The following RMP64 variants were observed in gnomAD, a reference collection of about 807,000 sequenced individuals.
The protein encoded by RMP64 is nucleolus and neural progenitor protein.
At chr3:113,011,449 A>T in the RMP64 span, 10 of 1,505,046 alleles carry the variant, frequency 6.6e-6, no homozygotes, top group Admixed American at 6.8e-5. Flanking sequence ...CAGTAATTAC[A>T]ATTTGCAGAT....
chr3:113,019,246 C>G, the RMP64 span: 4 of 446,300 alleles, frequency 9.0e-6, no homozygotes, highest in Non-Finnish European at 1.6e-5. Flanking sequence ...TGTTCCCCGG[C>G]ACCAGCTGAG....
chr3:113,018,395 G>T, the RMP64 span, among the ~76,000 whole-genome samples: 17 of 152,264 alleles, frequency 1.1e-4, no homozygotes, highest in East Asian at 3.1e-3. Context: ...AAGAATTTTT[G>T]AATAGAGAAA....
At chr3:113,013,744 C>A in the RMP64 span, among the ~76,000 whole-genome samples, 1 of 152,074 alleles carries the variant, frequency 6.6e-6, no homozygotes, top group South Asian at 2.1e-4. Flanking sequence ...CTACCATGAC[C>A]CAGATTTCAA....
the RMP64 span, chr3:113,004,064 G>A: frequency 3.3e-5 from 5 of 152,238 alleles, no homozygotes; most frequent in African/African-American, 1.2e-4. Flanking sequence ...GAAGTTAATG[G>A]CCATTTCTAG....
the RMP64 span, chr3:113,008,333 A>G: frequency 2.5e-6 from 4 of 1,614,044 alleles, no homozygotes; most frequent in Middle Eastern, 1.7e-4. Flanking sequence ...GAATCTTTGC[A>G]CAAAACTTTT....
the RMP64 span, chr3:113,013,449 G>GC: frequency 1.4e-6 from 2 of 1,386,402 alleles, no homozygotes; most frequent in African/African-American, 3.5e-5. Context: ...TAAAAAAAAA[G>GC]GGTTTTTTTT....
chr3:113,011,535 T>A, the RMP64 span: 3 of 732,420 alleles, frequency 4.1e-6, no homozygotes, highest in Non-Finnish European at 6.6e-6. Flanking sequence ...AAAAACACTA[T>A]AGTGCACACT....
chr3:113,013,547 CAGA>C, the RMP64 span: 1 of 726,280 alleles, frequency 1.4e-6, no homozygotes, highest in Non-Finnish European at 2.2e-6. Flanking sequence ...CAAGGTATGG[CAGA>C]AGAAGCACAG....
chr3:113,017,464 T>C, the RMP64 span: 7 of 1,613,572 alleles, frequency 4.3e-6, no homozygotes, highest in Admixed American at 1.0e-4. Flanking sequence ...GAGGGCCAAA[T>C]GGGGTTTGTG....
At chr3:113,009,889 A>AT in the RMP64 span, among the ~76,000 whole-genome samples, 2 of 152,150 alleles carry the variant, frequency 1.3e-5, no homozygotes, top group African/African-American at 4.8e-5. Context: ...GTTCAAGAAA[A>AT]TATGTTTAAG....
chr3:113,004,866 AAGGT>A, the RMP64 span: 1 of 152,472 alleles, frequency 6.6e-6, no homozygotes, highest in Non-Finnish European at 1.5e-5. Flanking sequence ...TTTTTGTAAA[AAGGT>A]TTATTTGGAA....
the RMP64 span, among the ~76,000 whole-genome samples, chr3:113,006,784 GAGA>G: frequency 2.0e-5 from 3 of 152,152 alleles, no homozygotes; most frequent in Non-Finnish European, 2.9e-5. Context: ...TTTAAGTGGG[GAGA>G]AGGTGGGTGT....
the RMP64 span, chr3:113,019,652 G>A: frequency 3.1e-6 from 5 of 1,611,570 alleles, no homozygotes; most frequent in South Asian, 3.3e-5. Context: ...CATCATGCGA[G>A]GCGGGGGGAC....
At chr3:113,003,350 A>G in the RMP64 span, 1 of 152,188 alleles carries the variant, frequency 6.6e-6, no homozygotes, top group Non-Finnish European at 1.5e-5. Context: ...TCAAAAAATA[A>G]TAATAATAAT....
the RMP64 span, among the ~76,000 whole-genome samples, chr3:113,016,123 G>A: frequency 5.3e-5 from 8 of 152,074 alleles, no homozygotes; most frequent in African/African-American, 1.9e-4. Context: ...CTGAACGCAA[G>A]AGAGAAGCCC....
At chr3:113,017,425 T>A in the RMP64 span, 1 of 1,607,102 alleles carries the variant, frequency 6.2e-7, no homozygotes, top group Admixed American at 1.7e-5. Context: ...ACAGGTTGGG[T>A]CTCACCTACC....
At chr3:113,018,870 G>A in the RMP64 span, among the ~76,000 whole-genome samples, 11 of 152,242 alleles carry the variant, frequency 7.2e-5, no homozygotes, top group African/African-American at 2.2e-4. Flanking sequence ...ACTCCTTCAA[G>A]CTCCAGCAAA....
At chr3:113,017,920 C>T in the RMP64 span, among the ~76,000 whole-genome samples, 1 of 152,154 alleles carries the variant, frequency 6.6e-6, no homozygotes, top group Non-Finnish European at 1.5e-5. Context: ...TACACTTACG[C>T]CTCATGTGTA....
the RMP64 span, chr3:113,008,065 C>T: frequency 4.0e-6 from 4 of 991,822 alleles, no homozygotes; most frequent in Non-Finnish European, 6.1e-6. Context: ...AATTTAGCCC[C>T]GCTGCGGCTG....
Sources: gnomAD v4.1 joint callset for allele counts (sites outside exome capture counted in the v4.1 genomes callset) on GRCh38, gnomAD v4.1.1 for gene constraint, MANE v1.5 for transcripts, NCBI Gene and HGNC (gene_info 2026-07-23, HGNC 2026-07-21) for gene names.